ZNF609: variants seen among roughly 807,000 people sequenced by gnomAD.
ZNF609 encodes the protein zinc finger protein 609.
In ZNF609, 11 loss-of-function variants were observed where a neutral mutation model predicts 109.5. That is an observed-to-expected ratio of 0.10 (90% CI 0.06 to 0.17). ZNF609 has a LOEUF of 0.17. Ranked by LOEUF, ZNF609 falls within the 10% of genes least tolerant of loss-of-function variation. ZNF609 has a pLI of 1.00. For synonymous variants in ZNF609, 646 were observed against 662.0 expected (o/e 0.98, Z 0.37); for missense variants, 1,559 against 1,772.4 (o/e 0.88, Z 2.16).
intron 2 of ZNF609, among the ~76,000 whole-genome samples, chr15:64,615,769 G>A (rs1396364827): frequency 6.6e-6 from 1 of 152,192 alleles, no homozygotes; most frequent in African/African-American, 2.4e-5. Context: ...TTATAGGCGT[G>A]AGCCACTGTG....
At chr15:64,641,369 C>CACT (rs1456507098) in intron 3 of ZNF609, among the ~76,000 whole-genome samples, 63 of 151,590 alleles carry the variant, frequency 4.2e-4, no homozygotes, top group African/African-American at 1.5e-3. Context: ...AGGCATGCAC[C>CACT]ACCACGCCCG....
At chr15:64,503,771 C>G (rs1566999674) in intron 2 of ZNF609, among the ~76,000 whole-genome samples, 1 of 152,206 alleles carries the variant, frequency 6.6e-6, no homozygotes, top group South Asian at 2.1e-4. Flanking sequence ...TGAATGTCAG[C>G]TTCTGCTGCT....
chr15:64,680,583 G>A (rs554597682), intron 7 of ZNF609, 63 bp from the exon 8 acceptor site: 2 of 1,363,198 alleles, frequency 1.5e-6, no homozygotes, highest in East Asian at 4.6e-5. Context: ...GTGTGTGTGT[G>A]TGTGTGGTTG....
intron 3 of ZNF609, among the ~76,000 whole-genome samples, chr15:64,649,696 A>C (rs996434694): frequency 3.9e-5 from 6 of 152,250 alleles, no homozygotes; most frequent in Admixed American, 3.9e-4. Context: ...ATCTCTTCTA[A>C]TAAAGCATCA....
intron 1 of ZNF609, among the ~76,000 whole-genome samples, chr15:64,461,146 A>AT (rs1892934120): frequency 7.1e-6 from 1 of 140,956 alleles, no homozygotes; most frequent in East Asian, 2.2e-4. Context: ...AGCAGGCCAG[A>AT]GAGTTTCTGA....
intron 2 of ZNF609, among the ~76,000 whole-genome samples, chr15:64,528,322 C>T (rs1894001077): frequency 1.3e-5 from 2 of 151,532 alleles, no homozygotes; most frequent in Admixed American, 1.3e-4. Flanking sequence ...TGGTCTCGAA[C>T]TCCTGACCTC....
At chr15:64,644,457 C>T (rs1319172265) in intron 3 of ZNF609, among the ~76,000 whole-genome samples, 1 of 152,114 alleles carries the variant, frequency 6.6e-6, no homozygotes, top group East Asian at 1.9e-4. Context: ...CACTGCACTC[C>T]AGTCTAGGCG....
At chr15:64,571,060 C>G in intron 2 of ZNF609, among the ~76,000 whole-genome samples, 1 of 152,138 alleles carries the variant, frequency 6.6e-6, no homozygotes. Context: ...TCTATATGGA[C>G]AGTCATATCT....
At chr15:64,472,570 G>C (rs540035409) in intron 1 of ZNF609, among the ~76,000 whole-genome samples, 1 of 152,152 alleles carries the variant, frequency 6.6e-6, no homozygotes, top group Non-Finnish European at 1.5e-5. Flanking sequence ...AGAAGTGAAT[G>C]TTCATGAATA....
At chr15:64,584,231 G>A (rs1217930898) in intron 2 of ZNF609, among the ~76,000 whole-genome samples, 1 of 152,158 alleles carries the variant, frequency 6.6e-6, no homozygotes, top group Non-Finnish European at 1.5e-5. Context: ...GCCGAGGCAG[G>A]TGGATTGTTT....
chr15:64,549,414 G>T (rs1894426177), intron 2 of ZNF609, among the ~76,000 whole-genome samples: 1 of 152,130 alleles, frequency 6.6e-6, no homozygotes, highest in Non-Finnish European at 1.5e-5. Context: ...CAGCTAGGCT[G>T]ATCCACCCAC....
chr15:64,483,021 G>A (rs569870110), intron 1 of ZNF609, among the ~76,000 whole-genome samples: 2 of 152,034 alleles, frequency 1.3e-5, no homozygotes, highest in Non-Finnish European at 2.9e-5. Flanking sequence ...GTCTTTTTAT[G>A]TAAAGTAAAT....
intron 2 of ZNF609, among the ~76,000 whole-genome samples, chr15:64,613,719 T>G (rs938148326): frequency 1.3e-5 from 2 of 151,696 alleles, no homozygotes; most frequent in Non-Finnish European, 2.9e-5. Context: ...CCCGGCTAAT[T>G]TTTTGTATTT....
chr15:64,656,708 CCCTT>C (rs1006835799), intron 3 of ZNF609, among the ~76,000 whole-genome samples: 2 of 151,078 alleles, frequency 1.3e-5, no homozygotes, highest in Non-Finnish European at 3.0e-5. Context: ...CTCCCTTCCT[CCCTT>C]CCTTCCTCTT....
chr15:64,568,207 A>C (rs1894808303), intron 2 of ZNF609, among the ~76,000 whole-genome samples: 1 of 152,116 alleles, frequency 6.6e-6, no homozygotes, highest in Non-Finnish European at 1.5e-5. Context: ...ATATAACTGT[A>C]ATACCATTAT....
chr15:64,507,894 T>G (rs1007970612), intron 2 of ZNF609, among the ~76,000 whole-genome samples: 2 of 152,206 alleles, frequency 1.3e-5, no homozygotes, highest in Admixed American at 1.3e-4. Flanking sequence ...TTTTAAAATA[T>G]ATTTCTCTCG....
At chr15:64,577,000 A>G (rs1894976252) in intron 2 of ZNF609, among the ~76,000 whole-genome samples, 1 of 118,162 alleles carries the variant, frequency 8.5e-6, no homozygotes, top group Non-Finnish European at 1.8e-5. Context: ...ACACATAAAT[A>G]TATATATGTA....
intron 2 of ZNF609, among the ~76,000 whole-genome samples, chr15:64,557,716 G>A (rs1352402108): frequency 1.3e-5 from 2 of 151,774 alleles, no homozygotes; most frequent in East Asian, 1.9e-4. Context: ...GTTTTTTTTG[G>A]GACGGAGTCT....
At chr15:64,645,008 T>TCTTTCTTTCTTTCTTTCTTC (rs1311156425) in intron 3 of ZNF609, among the ~76,000 whole-genome samples, 36 of 140,146 alleles carry the variant, frequency 2.6e-4, no homozygotes, top group African/African-American at 1.0e-3. Flanking sequence ...TTTCTTTCTT[T>TCTTTCTTTCTTTCTTTCTTC]CTTCCTTCCT....
Sources: allele counts gnomAD v4.1 joint callset (sites outside exome capture counted in the v4.1 genomes callset), GRCh38; gene constraint gnomAD v4.1.1; transcripts MANE v1.5; gene names NCBI Gene and HGNC (gene_info 2026-07-23, HGNC 2026-07-21).